Variants in FGF1 observed in about 807,000 individuals in gnomAD.
The protein encoded by FGF1 is beta-endothelial cell growth factor.
Under a neutral mutation model 13.4 loss-of-function variants are expected in FGF1, and 9 were observed. That is an observed-to-expected ratio of 0.67 (90% CI 0.40 to 1.17). The LOEUF is 1.17. Ranked by LOEUF, FGF1 falls within the 50% of genes most tolerant of loss-of-function variation. FGF1 has a pLI of 0.01. For missense variants in FGF1, 156 were observed against 192.7 expected, an observed-to-expected ratio of 0.81 and a Z score of 1.13; for synonymous variants, 93 against 79.0, an observed-to-expected ratio of 1.18 and a Z score of -0.94.
At chr5:142,604,324 C>T (rs879038926) in intron 2 of FGF1, among the ~76,000 whole-genome samples, 2 of 152,038 alleles carry the variant, frequency 1.3e-5, no homozygotes, top group African/African-American at 4.8e-5. Flanking sequence ...TTCAGAGAAC[C>T]TTCACATATA....
At chr5:142,611,478 C>T (rs1042622273) in intron 2 of FGF1, among the ~76,000 whole-genome samples, 3 of 152,190 alleles carry the variant, frequency 2.0e-5, no homozygotes, top group Non-Finnish European at 2.9e-5. Context: ...GGACTGGAAG[C>T]GTCCCAGGGC....
chr5:142,682,094 T>C (rs1438055105), intron 1 of FGF1, among the ~76,000 whole-genome samples: 3 of 152,040 alleles, frequency 2.0e-5, no homozygotes, highest in African/African-American at 7.2e-5. Context: ...TATTTTTTTT[T>C]TTTTTTTTGA....
intron 3 of FGF1, among the ~76,000 whole-genome samples, chr5:142,599,311 G>A (rs1435625573): frequency 1.3e-5 from 2 of 152,188 alleles, no homozygotes; most frequent in East Asian, 3.9e-4. Flanking sequence ...GCATTTTAGA[G>A]GTTACCTATT....
intron 2 of FGF1, among the ~76,000 whole-genome samples, chr5:142,604,662 G>A (rs67125523): frequency 0.084 from 12,852 of 152,222 alleles, 780 homozygotes; most frequent in African/African-American, 0.17. Context: ...TTTTCTCCTC[G>A]AAGTGTTCCC....
chr5:142,694,127 CTATCTAT>C, intron 2 of FGF1, among the ~76,000 whole-genome samples: 1 of 149,840 alleles, frequency 6.7e-6, no homozygotes, highest in South Asian at 2.1e-4. Context: ...ATCTATCTAT[CTATCTAT>C]CTATGTCTAT....
intron 2 of FGF1, among the ~76,000 whole-genome samples, chr5:142,610,998 G>T (rs1758922802): frequency 6.6e-6 from 1 of 152,176 alleles, no homozygotes; most frequent in African/African-American, 2.4e-5. Context: ...GTTCTATCTT[G>T]TGTGATTTGT....
chr5:142,681,793 T>G (rs1438287591), intron 1 of FGF1, among the ~76,000 whole-genome samples: 2 of 152,136 alleles, frequency 1.3e-5, no homozygotes, highest in Middle Eastern at 3.2e-3. Flanking sequence ...CCAACAAGCC[T>G]CAATTCCTGC....
intron 1 of FGF1, among the ~76,000 whole-genome samples, chr5:142,666,560 T>G (rs2152015505): frequency 6.6e-6 from 1 of 152,254 alleles, no homozygotes; most frequent in Admixed American, 6.5e-5. Context: ...AACCGTAGCA[T>G]TTCAGCCAGG....
chr5:142,641,089 AC>A (rs1421984841), intron 1 of FGF1, among the ~76,000 whole-genome samples: 1 of 152,092 alleles, frequency 6.6e-6, no homozygotes, highest in Non-Finnish European at 1.5e-5. Context: ...TAGAGATCCC[AC>A]ACTTAGGTGG....
chr5:142,672,543 C>T (rs530930981), intron 1 of FGF1, among the ~76,000 whole-genome samples: 3 of 136,170 alleles, frequency 2.2e-5, no homozygotes, highest in Non-Finnish European at 3.1e-5. Context: ...CTCACTCTGT[C>T]GCCCAGGCTG....
chr5:142,628,947 G>A (rs1762892508), intron 1 of FGF1, among the ~76,000 whole-genome samples: 1 of 152,042 alleles, frequency 6.6e-6, no homozygotes, highest in South Asian at 2.1e-4. Flanking sequence ...GGTTCAGTGG[G>A]CTCTTATGAA....
intron 1 of FGF1, among the ~76,000 whole-genome samples, chr5:142,663,039 G>T (rs569004076): frequency 6.6e-6 from 1 of 152,072 alleles, no homozygotes; most frequent in Non-Finnish European, 1.5e-5. Flanking sequence ...GCCCAGGCTG[G>T]TCTGGAACTC....
At chr5:142,608,497 A>AT (rs1758195532) in intron 2 of FGF1, among the ~76,000 whole-genome samples, 2 of 145,450 alleles carry the variant, frequency 1.4e-5, no homozygotes, top group East Asian at 4.0e-4. Flanking sequence ...AGTGGTAAAA[A>AT]ATATATATAT....
At position 142,668,138 on chromosome 5, in the gene FGF1, T is replaced by A. The variant is rs192719500; in HGVS notation, c.-35+17819A>T. On this transcript the variant is annotated intron_variant, in intron 1 of 3. Coordinates refer to ENST00000337706, the MANE Select transcript of FGF1 (RefSeq NM_000800.5). The stretch of plus-strand genomic sequence containing the variant: ...GGAATTTCCCTTGTTAAATGTCTCC[T>A]CCCAGGCTCAGGCAGAGGCCATGGT... 2.5e-3 allele frequency among the ~76,000 whole-genome samples: 388 copies of A among 152,322 alleles called. 9 individuals carry two copies. In the South Asian group the frequency reaches 0.035, roughly 14 times the overall value.
chr5:142,649,418 T>A (rs953815602), intron 1 of FGF1, among the ~76,000 whole-genome samples: 1 of 152,198 alleles, frequency 6.6e-6, no homozygotes, highest in African/African-American at 2.4e-5. Context: ...CATTGTTTTT[T>A]TTTTTTGAGA....
chr5:142,617,781 G>C (rs1760572502), intron 1 of FGF1, among the ~76,000 whole-genome samples: 1 of 152,056 alleles, frequency 6.6e-6, no homozygotes, highest in African/African-American at 2.4e-5. Flanking sequence ...GAAACCCCAG[G>C]GGCATGAAAA....
intron 1 of FGF1, among the ~76,000 whole-genome samples, chr5:142,633,853 C>T (rs1057073383): frequency 3.3e-5 from 5 of 152,128 alleles, no homozygotes; most frequent in Non-Finnish European, 7.4e-5. Context: ...AGCTCAGCTC[C>T]TCCATGAATC....
At chr5:142,597,380 G>A (rs34005) in intron 3 of FGF1, among the ~76,000 whole-genome samples, 79,372 of 151,902 alleles carry the variant, frequency 0.52, 21,821 homozygotes, top group African/African-American at 0.7. Context: ...GGTTAAGTGG[G>A]TAAAAGAATA....
Position 142,594,475 on chromosome 5 carries a change from T to C in FGF1, c.*815A>G, listed in dbSNP as rs951239057. ...CTTTTTATGGTATCCCCTCAGCCAG[T>C]TTCCCTTTCTTTCTCTGCACTCCCA... is the stretch of plus-strand genomic sequence containing the variant. On this transcript the variant is annotated 3_prime_UTR_variant, in exon 4 of 4. Coordinates refer to ENST00000337706, the MANE Select transcript of FGF1 (RefSeq NM_000800.5). 1 of 152,300 alleles carries C rather than the reference T, an allele frequency of 6.6e-6. No individual in the cohort carries two copies. The highest frequency in any genetic ancestry group is 2.4e-5 in the African/African-American group (1 of 41,442). The allele number at this position is 152,300 out of a possible 1,614,324, so 9.4% of individuals were successfully genotyped here.
Sources: allele counts gnomAD v4.1 joint callset (sites outside exome capture counted in the v4.1 genomes callset), GRCh38; gene constraint gnomAD v4.1.1; transcripts MANE v1.5; gene names NCBI Gene and HGNC (gene_info 2026-07-23, HGNC 2026-07-21).